The following MGAT4C variants were observed in gnomAD, a reference collection of about 807,000 sequenced individuals.
MGAT4C encodes MGAT4 family member C, also known as alpha-1,3-mannosyl-glycoprotein 4-beta-N-acetylglucosaminyltransferase C.
MGAT4C carries 19 observed loss-of-function variants against 40.1 expected under a neutral mutation model. The observed-to-expected ratio is 0.47, with a 90% CI of 0.33 to 0.70. The LOEUF is 0.70. MGAT4C is among the 30% of genes least tolerant of loss of function. The pLI is 0.02. For synonymous variants in MGAT4C, 181 were observed against 187.1 expected (o/e 0.97, Z 0.27); for missense variants, 491 against 563.2 (o/e 0.87, Z 1.30).
Position 85,989,389 on chromosome 12 carries a change from C to A in MGAT4C, c.147+11G>T. On this transcript the variant is annotated intron_variant, in intron 3 of 4. Transcript: ENST00000611864. ...ATTTTGAAGAAAAGACAATCAACCTCCCAAACTTACCAGAACATAGCTATC... is the reference window on the plus strand; with the variant it reads ...ATTTTGAAGAAAAGACAATCAACCTACCAAACTTACCAGAACATAGCTATC... 6.4e-7 allele frequency: 1 copy of A among 1,562,424 alleles called. No homozygotes were observed. Among genetic ancestry groups the A allele is most frequent in the Non-Finnish European group, 8.6e-7 (1 of 1,156,556 alleles).
intron 1 of MGAT4C, among the ~76,000 whole-genome samples, chr12:86,824,293 G>A (rs1222681560): frequency 6.6e-6 from 1 of 151,426 alleles, no homozygotes; most frequent in East Asian, 1.9e-4. Context: ...AAGCTGTAAA[G>A]TGATTTTTAA....
intron 1 of MGAT4C, among the ~76,000 whole-genome samples, chr12:86,237,184 T>C (rs1031826294): frequency 2.0e-5 from 3 of 151,366 alleles, no homozygotes; most frequent in Non-Finnish European, 4.4e-5. Flanking sequence ...ATGAACAAAA[T>C]GGCAATCTAT....
At chr12:86,464,444 G>A (rs2136298298) in intron 2 of MGAT4C, among the ~76,000 whole-genome samples, 1 of 152,218 alleles carries the variant, frequency 6.6e-6, no homozygotes, top group Middle Eastern at 3.4e-3. Flanking sequence ...ATTAAAACGT[G>A]CACACCTGCT....
intron 1 of MGAT4C, among the ~76,000 whole-genome samples, chr12:86,144,145 T>A (rs1883212375): frequency 6.6e-6 from 1 of 152,216 alleles, no homozygotes. Context: ...AAAAGACCTT[T>A]CATGTACTTT....
At chr12:86,280,161 G>T (rs1341981652) in intron 4 of MGAT4C, among the ~76,000 whole-genome samples, 1 of 151,962 alleles carries the variant, frequency 6.6e-6, no homozygotes, top group East Asian at 1.9e-4. Flanking sequence ...CAGTCAATTG[G>T]TCTATAGTGC....
intron 2 of MGAT4C, among the ~76,000 whole-genome samples, chr12:86,651,304 GA>G (rs1398669009): frequency 6.6e-6 from 1 of 151,694 alleles, no homozygotes; most frequent in South Asian, 2.1e-4. Flanking sequence ...TCTATTTATT[GA>G]AAAAAATCAT....
chr12:86,794,022 C>T (rs572017965), intron 1 of MGAT4C, among the ~76,000 whole-genome samples: 1 of 151,844 alleles, frequency 6.6e-6, no homozygotes, highest in South Asian at 2.1e-4. Flanking sequence ...AAATACAGCC[C>T]TCTAAATTCA....
intron 3 of MGAT4C, among the ~76,000 whole-genome samples, chr12:86,383,549 CAAAAAA>C (rs1159593477): frequency 7.2e-4 from 36 of 49,860 alleles, no homozygotes; most frequent in African/African-American, 3.1e-3. Flanking sequence ...CACTTCGTCT[CAAAAAA>C]AAAAAAAAAA....
intron 2 of MGAT4C, among the ~76,000 whole-genome samples, chr12:86,550,592 A>G (rs1592976818): frequency 6.6e-6 from 1 of 152,194 alleles, no homozygotes; most frequent in East Asian, 1.9e-4. Flanking sequence ...TTTTCATTCC[A>G]CCAAGTCCAC....
chr12:86,642,892 A>G (rs1210229464), intron 2 of MGAT4C, among the ~76,000 whole-genome samples: 5 of 151,780 alleles, frequency 3.3e-5, no homozygotes, highest in Admixed American at 6.6e-5. Flanking sequence ...AGGATATGGC[A>G]AAAATGAAAC....
At chr12:86,203,432 A>C (rs1950124626) in intron 1 of MGAT4C, among the ~76,000 whole-genome samples, 1 of 152,168 alleles carries the variant, frequency 6.6e-6, no homozygotes, top group African/African-American at 2.4e-5. Flanking sequence ...GAACATATGA[A>C]GCTCAGTTAT....
intron 1 of MGAT4C, among the ~76,000 whole-genome samples, chr12:86,731,457 A>C (rs1358598482): frequency 6.6e-6 from 1 of 152,112 alleles, no homozygotes; most frequent in Admixed American, 6.6e-5. Context: ...ATTTTTCAAA[A>C]TCAAGCCATT....
intron 1 of MGAT4C, among the ~76,000 whole-genome samples, chr12:86,759,905 T>C (rs1951371708): frequency 6.6e-6 from 1 of 152,104 alleles, no homozygotes; most frequent in Non-Finnish European, 1.5e-5. Flanking sequence ...GAATCTCATA[T>C]GTGAATATTT....
At chr12:86,421,260 A>G (rs1956820510) in intron 3 of MGAT4C, among the ~76,000 whole-genome samples, 1 of 152,136 alleles carries the variant, frequency 6.6e-6, no homozygotes, top group Non-Finnish European at 1.5e-5. Context: ...GGCTATACCT[A>G]TGGTTCGGAT....
rs1220864618 is a variant in MGAT4C, at chr12:85,970,592, A to G, written c.*8697T>C. 2.6e-5 allele frequency: 4 copies of G among 151,292 alleles called. No individual in the cohort carries two copies. The highest frequency in any genetic ancestry group is 5.9e-5 in the Non-Finnish European group (4 of 67,376). The allele number at this position is 151,292 out of a possible 1,614,324, so 9.4% of individuals were successfully genotyped here. ...CCATCCTGAGTATACTCATTTCAAT[A>G]AATTATTTGTCCTGAGCATACTGTA... On this transcript the variant is annotated 3_prime_UTR_variant, in exon 5 of 5. Coordinates refer to ENST00000611864, the MANE Select transcript of MGAT4C (RefSeq NM_001351288.2).
intron 2 of MGAT4C, among the ~76,000 whole-genome samples, chr12:86,665,772 A>T (rs1266802392): frequency 6.6e-6 from 1 of 152,168 alleles, no homozygotes; most frequent in Non-Finnish European, 1.5e-5. Context: ...TGAGGAGAGG[A>T]TTTAAGAGTG....
intron 2 of MGAT4C, among the ~76,000 whole-genome samples, chr12:86,039,250 A>G (rs911540898): frequency 3.3e-5 from 5 of 151,900 alleles, no homozygotes; most frequent in Non-Finnish European, 4.4e-5. Context: ...TGTTTCCTGA[A>G]TTTGAATTTT....
chr12:86,152,421 C>T (rs557442006), intron 1 of MGAT4C, among the ~76,000 whole-genome samples: 1 of 152,258 alleles, frequency 6.6e-6, no homozygotes, highest in South Asian at 2.1e-4. Context: ...AGCAAAGGCA[C>T]TCCCTCTAGC....
intron 3 of MGAT4C, among the ~76,000 whole-genome samples, chr12:86,369,891 T>C: frequency 6.6e-6 from 1 of 152,034 alleles, no homozygotes; most frequent in Non-Finnish European, 1.5e-5. Flanking sequence ...TTTAGTACTA[T>C]TTTCTCTGAT....
Sources: gnomAD v4.1 joint callset for allele counts (sites outside exome capture counted in the v4.1 genomes callset) on GRCh38, gnomAD v4.1.1 for gene constraint, MANE v1.5 for transcripts, NCBI Gene and HGNC (gene_info 2026-07-23, HGNC 2026-07-21) for gene names.